PPFIA2: variants seen among roughly 807,000 people sequenced by gnomAD.
PPFIA2 encodes the protein PPFI scaffold protein A2.
Under a neutral mutation model 175.5 loss-of-function variants are expected in PPFIA2, and 46 were observed. The observed-to-expected ratio is 0.26, with a 90% confidence interval of 0.21 to 0.34. PPFIA2 has a LOEUF of 0.34. Ranked by LOEUF, PPFIA2 falls within the 10% of genes least tolerant of loss-of-function variation. PPFIA2 has a pLI of 1.00. For missense variants in PPFIA2, 1,179 were observed against 1,506.1 expected (o/e 0.78, Z 3.60); for synonymous variants, 568 against 511.4 (o/e 1.11, Z -1.49).
intron 22 of PPFIA2, among the ~76,000 whole-genome samples, chr12:81,301,060 A>AT (rs1235683493): frequency 1.3e-5 from 2 of 152,140 alleles, no homozygotes; most frequent in Non-Finnish European, 2.9e-5. Flanking sequence ...GAAGTATGTC[A>AT]TTTTAGAAAA....
chr12:81,318,164 T>G (rs1049209570), intron 22 of PPFIA2, among the ~76,000 whole-genome samples: 3 of 151,726 alleles, frequency 2.0e-5, no homozygotes, highest in African/African-American at 7.2e-5. Context: ...CACATATTCC[T>G]ATTTCTACCA....
At chr12:81,672,496 C>A (rs749701677) in intron 4 of PPFIA2, among the ~76,000 whole-genome samples, 56 of 151,706 alleles carry the variant, frequency 3.7e-4, no homozygotes, top group Non-Finnish European at 6.8e-4. Context: ...GGAAAAAAAA[C>A]CTAATAGAGC....
rs78052588 is a variant in PPFIA2, at chr12:81,623,294, T to C, written c.303+53497A>G. Among the ~76,000 whole-genome samples, 202 of 152,044 alleles carry C rather than the reference T, an allele frequency of 1.3e-3. 4 individuals are homozygous for C. In the East Asian group the frequency reaches 0.029, roughly 22 times the overall value. On this transcript the variant is annotated intron_variant, in intron 4 of 32. Coordinates refer to ENST00000549396, the MANE Select transcript of PPFIA2 (RefSeq NM_003625.5). ...TGAGCCTTTCAAGAGGCATCCAAAA[T>C]AGTGAAAAGAGAGATGCTAAAAATG...
At chr12:81,592,923 T>C (rs1005280505) in intron 4 of PPFIA2, among the ~76,000 whole-genome samples, 1 of 151,544 alleles carries the variant, frequency 6.6e-6, no homozygotes, top group East Asian at 1.9e-4. Flanking sequence ...GCCCAGCTAA[T>C]TTTTTTGTAT....
At chr12:81,374,597 A>G in intron 11 of PPFIA2, 37 bp downstream of exon 11, 2 of 1,544,144 alleles carry the variant, frequency 1.3e-6, no homozygotes, top group Non-Finnish European at 8.7e-7. Context: ...CCTTTCTACA[A>G]ATATATCTAG....
chr12:81,630,369 C>T (rs1461431445), intron 4 of PPFIA2, among the ~76,000 whole-genome samples: 1 of 151,970 alleles, frequency 6.6e-6, no homozygotes, highest in East Asian at 1.9e-4. Context: ...CTTGCCAGGC[C>T]CAAAAGATGC....
chr12:81,371,894 TAC>T (rs928831240), intron 11 of PPFIA2, among the ~76,000 whole-genome samples: 11 of 147,020 alleles, frequency 7.5e-5, no homozygotes, highest in Non-Finnish European at 1.5e-4. Context: ...GCTTTGCCTA[TAC>T]ACACACACAC....
chr12:81,612,931 C>A (rs891630353), intron 4 of PPFIA2, among the ~76,000 whole-genome samples: 6 of 152,076 alleles, frequency 3.9e-5, no homozygotes, highest in Non-Finnish European at 7.4e-5. Context: ...TGTGCTTAAA[C>A]CAAATTTTTC....
Position 81,384,139 on chromosome 12 carries a change from G to T in PPFIA2, c.868C>A (p.Arg290Ser), listed in dbSNP as rs755923954. The change falls in exon 9 of 33, where the codon CGT becomes AGT. Residue 290 changes from arginine (R) to serine (S), a missense_variant. Arg to Ser is a moderately radical substitution (Grantham distance 110). This residue lies in a region of PPFIA2 where 226 missense variants were observed against 216.6 expected (regional missense o/e 1.04). Coordinates refer to ENST00000549396, the MANE Select transcript of PPFIA2 (RefSeq NM_003625.5). ...QNYEMAQMKERLAALSSRVGE... is the reference protein window; with the variant it reads ...QNYEMAQMKESLAALSSRVGE... ...ACTCGGGAAGAAAGGGCTGCTAAAC[G>T]TTCTTTCATCTGGGCCATTTCATAG... 1 of 1,612,726 alleles carries T rather than the reference G, an allele frequency of 6.2e-7. No homozygotes were observed. The highest frequency in any genetic ancestry group is 1.7e-4 in the Middle Eastern group (1 of 6,056).
intron 7 of PPFIA2, among the ~76,000 whole-genome samples, chr12:81,419,242 T>C (rs747719957): frequency 2.6e-5 from 4 of 152,020 alleles, no homozygotes; most frequent in Non-Finnish European, 4.4e-5. Context: ...ACACTGAAAT[T>C]AAACCAGTTG....
At chr12:81,370,564 A>G (rs1181223269) in intron 11 of PPFIA2, among the ~76,000 whole-genome samples, 2 of 151,894 alleles carry the variant, frequency 1.3e-5, no homozygotes, top group Admixed American at 6.6e-5. Context: ...TTAGGGGCCA[A>G]TCCCAAACTG....
At chr12:81,678,492 A>C (rs183704985) in intron 3 of PPFIA2, among the ~76,000 whole-genome samples, 1 of 152,008 alleles carries the variant, frequency 6.6e-6, no homozygotes, top group African/African-American at 2.4e-5. Flanking sequence ...ATGGGTAATG[A>C]ATTTATTCAT....
chr12:81,461,840 G>T (rs2054589564), intron 4 of PPFIA2, among the ~76,000 whole-genome samples: 1 of 151,576 alleles, frequency 6.6e-6, no homozygotes, highest in African/African-American at 2.4e-5. Flanking sequence ...ATTTTTAAAA[G>T]CACTAGTTAG....
At chr12:81,339,470 T>G in intron 20 of PPFIA2, 136 bp from the exon 21 acceptor site, 1 of 718,970 alleles carries the variant, frequency 1.4e-6, no homozygotes, top group Non-Finnish European at 2.0e-6. Context: ...ATGTTTCCTT[T>G]TAAGATATTA....
intron 7 of PPFIA2, among the ~76,000 whole-genome samples, chr12:81,437,214 C>G (rs2049222520): frequency 6.6e-6 from 1 of 152,052 alleles, no homozygotes; most frequent in African/African-American, 2.4e-5. Flanking sequence ...TACTTAGTTG[C>G]TATTCCTGGA....
At chr12:81,328,740 CA>C (rs1303197406) in intron 21 of PPFIA2, among the ~76,000 whole-genome samples, 1 of 151,622 alleles carries the variant, frequency 6.6e-6, no homozygotes, top group Non-Finnish European at 1.5e-5. Flanking sequence ...ACATATTGGA[CA>C]GGGGACAAGG....
At chr12:81,752,448 T>C (rs754074020) in intron 3 of PPFIA2, among the ~76,000 whole-genome samples, 1 of 152,232 alleles carries the variant, frequency 6.6e-6, no homozygotes, top group Non-Finnish European at 1.5e-5. Context: ...GGTGTAGCTA[T>C]CTAGCTGCCT....
At chr12:81,530,647 T>C (rs1356526745) in intron 4 of PPFIA2, among the ~76,000 whole-genome samples, 1 of 151,778 alleles carries the variant, frequency 6.6e-6, no homozygotes, top group Non-Finnish European at 1.5e-5. Flanking sequence ...CAATCTCTAG[T>C]TGAAAAGTCA....
At chr12:81,499,290 C>A (rs1035723491) in intron 4 of PPFIA2, among the ~76,000 whole-genome samples, 4 of 152,178 alleles carry the variant, frequency 2.6e-5, no homozygotes, top group African/African-American at 4.8e-5. Context: ...TGTTTGTTTT[C>A]TTTCGTTCCA....
Sources: allele counts gnomAD v4.1 joint callset (sites outside exome capture counted in the v4.1 genomes callset), GRCh38; gene constraint gnomAD v4.1.1; regional missense constraint gnomAD v4.1.1; transcripts MANE v1.5; gene names NCBI Gene and HGNC (gene_info 2026-07-23, HGNC 2026-07-21).